ADCY9: variants seen among roughly 807,000 people sequenced by gnomAD.
ADCY9 encodes adenylate cyclase 9.
Under a neutral mutation model 101.5 loss-of-function variants are expected in ADCY9, and 50 were observed. The ratio of observed to expected loss-of-function variants is 0.49; its 90% CI spans 0.39 to 0.62. The LOEUF (loss-of-function observed/expected upper bound fraction) is 0.62. ADCY9 is among the 20% of genes least tolerant of loss of function. The pLI is 0.00. For synonymous variants in ADCY9, 905 were observed against 769.3 expected, an observed-to-expected ratio of 1.18 and a Z score of -2.92; for missense variants, 1,662 against 1,800.4, an observed-to-expected ratio of 0.92 and a Z score of 1.39.
chr16:4,054,634 A>C (rs955460919), intron 2 of ADCY9, among the ~76,000 whole-genome samples: 4 of 151,430 alleles, frequency 2.6e-5, no homozygotes, highest in African/African-American at 9.7e-5. Flanking sequence ...GCAGTGGCAC[A>C]ATCTCGGCTC....
At chr16:4,027,625 C>T (rs1221904232) in intron 2 of ADCY9, among the ~76,000 whole-genome samples, 1 of 152,100 alleles carries the variant, frequency 6.6e-6, no homozygotes, top group African/African-American at 2.4e-5. Context: ...GCCTGTAATC[C>T]CAGCACTGTG....
chr16:4,001,258 C>A (rs945313562), intron 3 of ADCY9, among the ~76,000 whole-genome samples: 4 of 152,178 alleles, frequency 2.6e-5, no homozygotes, highest in Admixed American at 6.5e-5. Flanking sequence ...CCCCTGCTCA[C>A]CCCCAGCCTA....
intron 2 of ADCY9, among the ~76,000 whole-genome samples, chr16:4,055,606 G>A (rs2056732589): frequency 6.6e-6 from 1 of 152,068 alleles, no homozygotes; most frequent in Admixed American, 6.5e-5. Context: ...GGCCGGGGTG[G>A]GGGGATCACG....
intron 2 of ADCY9, among the ~76,000 whole-genome samples, chr16:4,070,702 T>G (rs113392162): frequency 5.3e-5 from 8 of 151,996 alleles, no homozygotes; most frequent in African/African-American, 1.9e-4. Context: ...TCCTATCACT[T>G]TGGGAGGCCG....
chr16:4,042,878 T>C (rs1326493680), intron 2 of ADCY9, among the ~76,000 whole-genome samples: 1 of 152,234 alleles, frequency 6.6e-6, no homozygotes, highest in Non-Finnish European at 1.5e-5. Context: ...CTGTATGATT[T>C]GGGCAAGTTC....
Position 4,115,113 on chromosome 16 carries a change from C to T in ADCY9, c.330G>A (p.Pro110=), listed in dbSNP as rs758419751. 1 of 1,613,822 alleles carries T rather than the reference C, an allele frequency of 6.2e-7. No homozygotes were observed. Among genetic ancestry groups the T allele is most frequent in the South Asian group, 1.1e-5 (1 of 91,090 alleles). Residue 110 remains proline (P), a synonymous_variant, in exon 2 of 11, where the codon CCG becomes CCA. Coordinates refer to ENST00000294016, the MANE Select transcript of ADCY9 (RefSeq NM_001116.4). This position sits in a 1 kb window ranked among gnomAD's most constrained non-coding sequence, Gnocchi z 6.2. ...LEEACLERCF[P]QTQRRFRYAL... ...CATACCGGAACCGGCGCTGGGTCTG[C>T]GGGAAGCAGCGCTCCAGGCAGGCCT... is the stretch of plus-strand genomic sequence containing the variant.
intron 2 of ADCY9, among the ~76,000 whole-genome samples, chr16:4,050,123 T>C (rs970223463): frequency 2.6e-5 from 4 of 151,770 alleles, no homozygotes; most frequent in Admixed American, 1.3e-4. Context: ...GCCAGGAACA[T>C]GGACTGGATG....
At chr16:4,079,719 C>A (rs925951304) in intron 2 of ADCY9, among the ~76,000 whole-genome samples, 1 of 151,536 alleles carries the variant, frequency 6.6e-6, no homozygotes, top group African/African-American at 2.4e-5. Flanking sequence ...CATATGACAC[C>A]ATTATATCTA....
At chr16:4,016,373 CACCTTTTATT>C (rs1179471178) in intron 2 of ADCY9, among the ~76,000 whole-genome samples, 1 of 152,144 alleles carries the variant, frequency 6.6e-6, no homozygotes, top group Non-Finnish European at 1.5e-5. Flanking sequence ...ACCAGCTGAT[CACCTTTTATT>C]TGTGAAATGA....
rs763995166 is a variant in ADCY9 at position 3,992,330 on chromosome 16, C to A, written c.2023G>T (p.Gly675Trp). 3 of 1,614,040 alleles carry A rather than the reference C, an allele frequency of 1.9e-6. No individual in the cohort carries two copies. The highest frequency in any genetic ancestry group is 2.2e-5 in the South Asian group (2 of 91,054). The stretch of plus-strand genomic sequence containing the variant: ...TCCTCTTGGGGAGGGCTGAGGAGCC[C>A]GTTCTGAGTTTTGGGATTAGGTCCT... ...SGGPNPKTQN[G>W]LLSPPQEEKL... The change falls in exon 5 of 11, where the codon GGG becomes TGG. Residue 675 changes from glycine to tryptophan, a missense_variant. Physicochemically the swap from Gly to Trp is radical, Grantham distance 184 (BLOSUM62 -2). Transcript: ENST00000294016. The surrounding 1 kb of genome is among the most constrained non-coding windows in gnomAD (Gnocchi z 4.2).
In ADCY9 at chr16:4,051,376, T is replaced by C. The variant is rs562730140; in HGVS notation, c.1694-43818A>G. Among the ~76,000 whole-genome samples the C allele has an allele frequency of 3.8e-4, 57 of 151,916 alleles. 1 individual carries two copies. The South Asian group carries it at 0.011, about 29-fold the overall frequency. ...CCGTCTCTACTAAAAATACAAAAATTAGCCGGGCGTGGTGGCGGGCGCCTG... is the reference window on the plus strand; with the variant it reads ...CCGTCTCTACTAAAAATACAAAAATCAGCCGGGCGTGGTGGCGGGCGCCTG... On this transcript the variant is annotated intron_variant, in intron 2 of 10. Transcript: ENST00000294016.
At chr16:4,092,224 C>T (rs1278838648) in intron 2 of ADCY9, among the ~76,000 whole-genome samples, 5 of 152,264 alleles carry the variant, frequency 3.3e-5, no homozygotes, top group East Asian at 3.9e-4. Context: ...GAGCTGAGAT[C>T]GTGCCACTGC....
At chr16:3,998,192 G>T (rs1363663714) in intron 3 of ADCY9, among the ~76,000 whole-genome samples, 3 of 152,120 alleles carry the variant, frequency 2.0e-5, no homozygotes, top group South Asian at 2.1e-4. Context: ...TTGAGCCCAG[G>T]AGTTTGAGAT....
At chr16:4,088,974 C>G (rs1418141818) in intron 2 of ADCY9, among the ~76,000 whole-genome samples, 1 of 152,028 alleles carries the variant, frequency 6.6e-6, no homozygotes, top group Non-Finnish European at 1.5e-5. Context: ...GCGGTCACCT[C>G]CCATTTCCCT....
chr16:3,957,772 G>C (rs1206974441), downstream of ADCY9, among the ~76,000 whole-genome samples: 1 of 152,102 alleles, frequency 6.6e-6, no homozygotes. Context: ...CTGTGCCCCC[G>C]GGCGTCCTGA....
intron 2 of ADCY9, among the ~76,000 whole-genome samples, chr16:4,045,594 T>TAAAAAAAAA (rs545715002): frequency 1.7e-4 from 11 of 64,956 alleles, no homozygotes; most frequent in African/African-American, 6.2e-4. Flanking sequence ...GACTCTGCCT[T>TAAAAAAAAA]AAAAAAAAAA....
chr16:3,960,679 G>A (rs1349966467), downstream of ADCY9, among the ~76,000 whole-genome samples: 4 of 152,068 alleles, frequency 2.6e-5, no homozygotes, highest in Admixed American at 2.0e-4. Flanking sequence ...AAGAATCCCC[G>A]CTGTTGACTG....
rs552295884 is a variant in ADCY9, at chr16:3,987,769, G to A, written c.2310+1225C>T. ...CACGGAGTTTAATGAAGACCTGCTG[G>A]AGGAACCAAGGGAATCAGAGTGAGA... On this transcript the variant is annotated intron_variant, in intron 6 of 10. Coordinates refer to ENST00000294016, the MANE Select transcript of ADCY9 (RefSeq NM_001116.4). Among the ~76,000 whole-genome samples, 24 of 152,286 alleles carry A rather than the reference G, an allele frequency of 1.6e-4. 1 individual carries two copies. The South Asian group carries it at 5.0e-3, about 32-fold the overall frequency.
At chr16:3,975,069 C>G (rs2056082911) in intron 9 of ADCY9, among the ~76,000 whole-genome samples, 1 of 152,180 alleles carries the variant, frequency 6.6e-6, no homozygotes, top group African/African-American at 2.4e-5. Context: ...ACTCTGGGCA[C>G]AAAGGCGGCA....
Sources: gnomAD v4.1 joint callset for allele counts (sites outside exome capture counted in the v4.1 genomes callset) on GRCh38, gnomAD v4.1.1 for gene constraint, Gnocchi (gnomAD v3.1) non-coding constraint, MANE v1.5 for transcripts, NCBI Gene and HGNC (gene_info 2026-07-23, HGNC 2026-07-21) for gene names.